CORO1C: variants seen among roughly 807,000 people sequenced by gnomAD.
CORO1C encodes coronin-1C.
In CORO1C, 14 loss-of-function variants were observed where a neutral mutation model predicts 51.2. That is an observed-to-expected ratio of 0.27 (90% CI 0.18 to 0.43). CORO1C has a LOEUF of 0.43. Among genes scored for constraint, CORO1C ranks in the 20% least tolerant of loss-of-function variants. The pLI, the probability that CORO1C is intolerant of heterozygous loss-of-function variation, is 1.00. For synonymous variants in CORO1C, 181 were observed against 210.5 expected, an observed-to-expected ratio of 0.86 and a Z score of 1.21; for missense variants, 417 against 607.8, an observed-to-expected ratio of 0.69 and a Z score of 3.30.
At chr12:108,702,539 A>G (rs753736406) in intron 1 of CORO1C, among the ~76,000 whole-genome samples, 3 of 152,218 alleles carry the variant, frequency 2.0e-5, no homozygotes, top group Non-Finnish European at 4.4e-5. Context: ...GTGCTACTGC[A>G]GGACATTCTG....
intron 2 of CORO1C, among the ~76,000 whole-genome samples, chr12:108,686,946 T>C (rs998199289): frequency 6.6e-6 from 1 of 152,218 alleles, no homozygotes; most frequent in African/African-American, 2.4e-5. Flanking sequence ...TCCACGTGGC[T>C]GGCCAGAGCT....
At chr12:108,679,069 C>T (rs1331718875) in intron 2 of CORO1C, among the ~76,000 whole-genome samples, 1 of 137,016 alleles carries the variant, frequency 7.3e-6, no homozygotes, top group Non-Finnish European at 1.5e-5. Context: ...CGAGATCGTG[C>T]CACTACACTC....
Position 108,645,580 on chromosome 12 carries a change from C to CACAT in CORO1C, c.*1819_*1822dup. On this transcript the variant is annotated 3_prime_UTR_variant, in exon 11 of 11. Coordinates refer to ENST00000261401, the MANE Select transcript of CORO1C (RefSeq NM_014325.4). ...TCTCATGATCCACTTCAATATTAAA[C>CACAT]ACATACATACACACACACAAAACCA... The CACAT allele has an allele frequency of 6.6e-6, 1 of 152,322 alleles. No homozygotes were observed. Among genetic ancestry groups the CACAT allele is most frequent in the Middle Eastern group, 3.4e-3 (1 of 294 alleles). The allele number at this position is 152,322 out of a possible 1,614,324, so 9.4% of individuals were successfully genotyped here. A position where few individuals can be genotyped will look rare whatever the true frequency, so the allele number is the denominator to read the frequency against.
Position 108,678,384 on chromosome 12 carries a change from A to C in CORO1C, c.206T>G (p.Ile69Ser). Reference sequence around the variant, plus strand: ...ACATACTGTAGGGTAAGATTTGTCAATTCGACCAGTCTGAAAGAAGAGAGA... The same window carrying C: ...ACATACTGTAGGGTAAGATTTGTCACTTCGACCAGTCTGAAAGAAGAGAGA... ...LVLPLHKTGR[I>S]DKSYPTVCGH... The change falls in exon 3 of 11, where the codon ATT becomes AGT. Residue 69 changes from isoleucine to serine, a missense_variant. Physicochemically the swap from Ile to Ser is moderately radical, Grantham distance 142. Coordinates refer to ENST00000261401, the MANE Select transcript of CORO1C (RefSeq NM_014325.4). 6.3e-7 allele frequency: 1 copy of C among 1,590,620 alleles called. No homozygotes were observed. Among genetic ancestry groups the C allele is most frequent in the Non-Finnish European group, 8.6e-7 (1 of 1,167,844 alleles).
intron 1 of CORO1C, among the ~76,000 whole-genome samples, chr12:108,704,632 T>G (rs2034975094): frequency 6.6e-6 from 1 of 152,252 alleles, no homozygotes; most frequent in Non-Finnish European, 1.5e-5. Flanking sequence ...AGTGCTGTGC[T>G]GAGTCAGGCA....
intron 2 of CORO1C, among the ~76,000 whole-genome samples, chr12:108,689,852 T>C (rs2034435464): frequency 6.6e-6 from 1 of 152,196 alleles, no homozygotes; most frequent in Non-Finnish European, 1.5e-5. Flanking sequence ...TACTGAGAAT[T>C]CTTCAACTCA....
chr12:108,689,418 C>T (rs544457278), intron 2 of CORO1C, among the ~76,000 whole-genome samples: 1 of 152,336 alleles, frequency 6.6e-6, no homozygotes, highest in African/African-American at 2.4e-5. Flanking sequence ...TTAAGAAGCT[C>T]AAGGTATCCC....
At chr12:108,661,287 T>A (rs577987496) in intron 4 of CORO1C, among the ~76,000 whole-genome samples, 4 of 152,158 alleles carry the variant, frequency 2.6e-5, no homozygotes, top group Admixed American at 1.3e-4. Flanking sequence ...AGGGGACTTA[T>A]CAAGTAAAAT....
At chr12:108,666,459 A>G (rs1247793538) in intron 3 of CORO1C, among the ~76,000 whole-genome samples, 1 of 152,176 alleles carries the variant, frequency 6.6e-6, no homozygotes, top group Non-Finnish European at 1.5e-5. Flanking sequence ...AGGTCTTTCC[A>G]CACTCAGCAT....
chr12:108,696,851 C>T (rs1176359583), intron 2 of CORO1C, among the ~76,000 whole-genome samples: 1 of 152,216 alleles, frequency 6.6e-6, no homozygotes, highest in Admixed American at 6.5e-5. Flanking sequence ...GGACTGAGGA[C>T]TTTCTATATT....
intron 2 of CORO1C, among the ~76,000 whole-genome samples, chr12:108,681,435 AAAGAG>A (rs2034120142): frequency 6.6e-6 from 1 of 152,234 alleles, no homozygotes; most frequent in African/African-American, 2.4e-5. Flanking sequence ...CACCTAAAAC[AAAGAG>A]AAGATCCCAG....
intron 1 of CORO1C, among the ~76,000 whole-genome samples, chr12:108,708,126 G>A (rs1360896904): frequency 1.3e-5 from 2 of 152,064 alleles, no homozygotes; most frequent in African/African-American, 2.4e-5. Context: ...CCACTCCTAG[G>A]TATACACTCA....
chr12:108,714,383 G>C (rs1455215080), intron 1 of CORO1C, among the ~76,000 whole-genome samples: 1 of 130,586 alleles, frequency 7.7e-6, no homozygotes, highest in Non-Finnish European at 1.6e-5. Flanking sequence ...TGGCAACAGA[G>C]CGAGAGTCAG....
intron 3 of CORO1C, among the ~76,000 whole-genome samples, chr12:108,676,479 T>G (rs2033912726): frequency 6.6e-6 from 1 of 152,156 alleles, no homozygotes; most frequent in African/African-American, 2.4e-5. Flanking sequence ...CGTTTAAGAT[T>G]CTGGCATCAG....
chr12:108,651,779 G>A (rs2032669385), intron 8 of CORO1C, among the ~76,000 whole-genome samples: 1 of 152,198 alleles, frequency 6.6e-6, no homozygotes, highest in African/African-American at 2.4e-5. Flanking sequence ...TAATTCCACA[G>A]TACACACAAG....
At chr12:108,694,407 A>AT (rs1371614997) in intron 2 of CORO1C, among the ~76,000 whole-genome samples, 2 of 152,118 alleles carry the variant, frequency 1.3e-5, no homozygotes, top group East Asian at 3.8e-4. Flanking sequence ...TTTCACAAAC[A>AT]TTTAAGCAAT....
At chr12:108,652,195 G>T in intron 8 of CORO1C, 77 bp downstream of exon 8, 1 of 1,369,908 alleles carries the variant, frequency 7.3e-7, no homozygotes, top group Non-Finnish European at 1.0e-6. Flanking sequence ...GAGATCTGAA[G>T]TATATGCTAG....
In CORO1C at chr12:108,647,447, G is replaced by A; in HGVS notation, c.1381C>T (p.Arg461Cys). 5 of 1,612,880 alleles carry A rather than the reference G, an allele frequency of 3.1e-6. No individual in the cohort carries two copies. Among genetic ancestry groups the A allele is most frequent in the East Asian group, 2.2e-5 (1 of 44,870 alleles). ...ATCTGCTGTTCTAACTTGGAAATAC[G>A]CTCATCTTGATTGCAGATTGTGTCT... is the stretch of plus-strand genomic sequence containing the variant. ...IKDTICNQDE[R>C]ISKLEQQMAK... The change falls in exon 11 of 11, where the codon CGT becomes TGT. Residue 461 changes from arginine to cysteine, a missense_variant. Arg to Cys is a radical substitution (Grantham distance 180). Coordinates refer to ENST00000261401, the MANE Select transcript of CORO1C (RefSeq NM_014325.4).
intron 3 of CORO1C, among the ~76,000 whole-genome samples, chr12:108,663,333 T>A (rs185537638): frequency 1.3e-5 from 2 of 152,352 alleles, no homozygotes; most frequent in Admixed American, 1.3e-4. Context: ...CCTAGGGATA[T>A]ACCCAAGAGG....
Sources: gnomAD v4.1 joint callset for allele counts (sites outside exome capture counted in the v4.1 genomes callset) on GRCh38, gnomAD v4.1.1 for gene constraint, MANE v1.5 for transcripts, NCBI Gene and HGNC (gene_info 2026-07-23, HGNC 2026-07-21) for gene names.